Variants in PMS1 observed in about 807,000 individuals in gnomAD.
PMS1 encodes PMS1 protein homolog 1.
A neutral mutation model predicts 93.1 loss-of-function variants in PMS1; 79 were observed. The ratio of observed to expected loss-of-function variants is 0.85; its 90% CI spans 0.71 to 1.02. The LOEUF is 1.02. Ranked by LOEUF, PMS1 falls within the 50% of genes least tolerant of loss-of-function variation. PMS1 has a pLI of 0.00. For synonymous variants in PMS1, 335 were observed against 363.4 expected (o/e 0.92, Z 0.89); for missense variants, 1,064 against 1,085.3 (o/e 0.98, Z 0.28).
intron 6 of PMS1, among the ~76,000 whole-genome samples, chr2:189,846,727 T>C (rs2054284556): frequency 6.6e-6 from 1 of 152,166 alleles, no homozygotes; most frequent in Non-Finnish European, 1.5e-5. Flanking sequence ...CTGAGAATGA[T>C]TTCATCTTGC....
At chr2:189,831,772 T>G (rs2052956300) in intron 5 of PMS1, among the ~76,000 whole-genome samples, 1 of 152,178 alleles carries the variant, frequency 6.6e-6, no homozygotes, top group African/African-American at 2.4e-5. Context: ...ATAGTATTTA[T>G]TTTTTAAAAT....
chr2:189,870,880 C>T (rs2057088640), intron 11 of PMS1, among the ~76,000 whole-genome samples: 1 of 152,090 alleles, frequency 6.6e-6, no homozygotes, highest in Admixed American at 6.5e-5. Context: ...ATTTCGTTTC[C>T]ACTGTTAGTT....
At chr2:189,796,907 A>G (rs1223818664) in intron 3 of PMS1, among the ~76,000 whole-genome samples, 4 of 152,154 alleles carry the variant, frequency 2.6e-5, no homozygotes, top group Non-Finnish European at 5.9e-5. Flanking sequence ...TAGACTTGCT[A>G]TGTCATATCA....
chr2:189,849,688 C>T (rs370861601), intron 6 of PMS1, among the ~76,000 whole-genome samples: 6 of 152,016 alleles, frequency 3.9e-5, no homozygotes, highest in African/African-American at 7.2e-5. Context: ...ATAATTCACT[C>T]GCCAGCCCCA....
intron 5 of PMS1, among the ~76,000 whole-genome samples, chr2:189,832,964 A>G (rs538267786): frequency 2.0e-5 from 3 of 152,322 alleles, no homozygotes; most frequent in South Asian, 4.1e-4. Context: ...CCTGAATATT[A>G]TTACTAGTGT....
At chr2:189,851,062 GTCTCAA>G (rs1459623542) in intron 6 of PMS1, among the ~76,000 whole-genome samples, 8 of 152,170 alleles carry the variant, frequency 5.3e-5, no homozygotes, top group African/African-American at 1.9e-4. Flanking sequence ...CTGATTTGGT[GTCTCAA>G]GTTATTTTTC....
chr2:189,788,698 G>A (rs5742965), intron 1 of PMS1, among the ~76,000 whole-genome samples: 5,735 of 152,000 alleles, frequency 0.038, 154 homozygotes, highest in African/African-American at 0.067. Flanking sequence ...ATCCAAATAG[G>A]ATAAAATCAT....
intron 3 of PMS1, among the ~76,000 whole-genome samples, chr2:189,804,139 A>G (rs935496953): frequency 3.9e-5 from 6 of 152,174 alleles, no homozygotes; most frequent in African/African-American, 1.4e-4. Context: ...TCTAGAAGCC[A>G]CTGGCAGGGT....
chr2:189,842,368 C>T (rs1300436878), intron 5 of PMS1, among the ~76,000 whole-genome samples: 1 of 152,154 alleles, frequency 6.6e-6, no homozygotes, highest in Non-Finnish European at 1.5e-5. Flanking sequence ...GCCCTTTGGA[C>T]AGTTTCCTCC....
At chr2:189,800,143 A>G (rs898617433) in intron 3 of PMS1, among the ~76,000 whole-genome samples, 1 of 152,262 alleles carries the variant, frequency 6.6e-6, no homozygotes, top group Admixed American at 6.5e-5. Flanking sequence ...GAGGAATTGT[A>G]CACAGTGAAA....
At chr2:189,861,056 TATA>T (rs1204380364) in intron 9 of PMS1, among the ~76,000 whole-genome samples, 1 of 151,966 alleles carries the variant, frequency 6.6e-6, no homozygotes, top group Non-Finnish European at 1.5e-5. Flanking sequence ...GTCCATGTAA[TATA>T]ATAATTGATA....
chr2:189,859,358 G>A (rs1055701012), intron 9 of PMS1, among the ~76,000 whole-genome samples: 2 of 152,096 alleles, frequency 1.3e-5, no homozygotes, highest in African/African-American at 4.8e-5. Flanking sequence ...ATTTTCATAG[G>A]TTTACAGAAC....
At chr2:189,822,149 G>T (rs948586092) in intron 5 of PMS1, among the ~76,000 whole-genome samples, 5 of 152,320 alleles carry the variant, frequency 3.3e-5, no homozygotes, top group Admixed American at 1.3e-4. Flanking sequence ...CGCGGTTGCC[G>T]ACTGTGGCGC....
intron 5 of PMS1, among the ~76,000 whole-genome samples, chr2:189,837,596 C>G (rs2053494409): frequency 6.6e-6 from 1 of 152,206 alleles, no homozygotes; most frequent in Non-Finnish European, 1.5e-5. Context: ...GTTTGCCTTT[C>G]CAGAGTGCAT....
At chr2:189,828,171 A>G (rs1415568508) in intron 5 of PMS1, among the ~76,000 whole-genome samples, 1 of 151,952 alleles carries the variant, frequency 6.6e-6, no homozygotes, top group Non-Finnish European at 1.5e-5. Flanking sequence ...TGATCTGCCC[A>G]CCTTGGCCTC....
intron 5 of PMS1, among the ~76,000 whole-genome samples, chr2:189,827,418 A>C (rs1158747016): frequency 1.3e-5 from 2 of 152,224 alleles, no homozygotes; most frequent in African/African-American, 4.8e-5. Flanking sequence ...GGATGTTTAC[A>C]TATGTATATC....
intron 3 of PMS1, among the ~76,000 whole-genome samples, chr2:189,804,485 CA>C (rs1428009127): frequency 6.6e-6 from 1 of 152,168 alleles, no homozygotes; most frequent in Non-Finnish European, 1.5e-5. Context: ...AATAGCTTGA[CA>C]TAGCGCCCCT....
At chr2:189,814,506 T>C (rs2051106807) in intron 4 of PMS1, among the ~76,000 whole-genome samples, 1 of 129,656 alleles carries the variant, frequency 7.7e-6, no homozygotes, top group African/African-American at 4.0e-5. Context: ...GCAAGTACTA[T>C]GTGTCTTCCA....
At chr2:189,827,047 T>A (rs745820089) in intron 5 of PMS1, among the ~76,000 whole-genome samples, 1 of 152,196 alleles carries the variant, frequency 6.6e-6, no homozygotes, top group Non-Finnish European at 1.5e-5. Flanking sequence ...GGAAGCTAAG[T>A]CACTGATACA....
Sources: gnomAD v4.1 joint callset for allele counts (sites outside exome capture counted in the v4.1 genomes callset) on GRCh38, gnomAD v4.1.1 for gene constraint, MANE v1.5 for transcripts, NCBI Gene and HGNC (gene_info 2026-07-23, HGNC 2026-07-21) for gene names.